The following EXT2 variants were observed in gnomAD, a reference collection of about 807,000 sequenced individuals.
EXT2 encodes the protein exostosin glycosyltransferase 2, also known as exostosin-2.
In EXT2, 53 loss-of-function variants were observed where a neutral mutation model predicts 81.6. That is an observed-to-expected ratio of 0.65 (90% confidence interval 0.52 to 0.82). EXT2 has a LOEUF of 0.82. Ranked by LOEUF, EXT2 falls within the 40% of genes least tolerant of loss-of-function variation. The probability of loss-of-function intolerance (pLI) is 0.00; values close to 1 mark genes in which losing one functional copy is unlikely to be tolerated. For synonymous variants in EXT2, 320 were observed against 340.0 expected, an observed-to-expected ratio of 0.94 and a Z score of 0.65; for missense variants, 774 against 910.2, an observed-to-expected ratio of 0.85 and a Z score of 1.93.
chr11:44,197,038 G>A (rs543512837), intron 8 of EXT2, among the ~76,000 whole-genome samples: 1 of 152,270 alleles, frequency 6.6e-6, no homozygotes, highest in African/African-American at 2.4e-5. Context: ...GGAACTAAAG[G>A]GGAAAGAAGG....
chr11:44,244,470 C>A lies in EXT2; in HGVS notation c.*183C>A. 1 of 623,016 alleles carries A rather than the reference C, an allele frequency of 1.6e-6. No individual in the cohort carries two copies. The highest frequency in any genetic ancestry group is 2.8e-6 in the Non-Finnish European group (1 of 351,058). The allele number at this position is 623,016 out of a possible 1,614,324, so 38.6% of individuals were successfully genotyped here. A position where few individuals can be genotyped will look rare whatever the true frequency, so the allele number is the denominator to read the frequency against. ...ACCTAGAATGAATATCCAAGCACCT[C>A]GAGCTATGCAACCTCTGTTCTTGTA... On this transcript the variant is annotated 3_prime_UTR_variant, in exon 14 of 14. Transcript: ENST00000533608.
intron 7 of EXT2, among the ~76,000 whole-genome samples, chr11:44,140,023 G>A (rs964418235): frequency 6.6e-6 from 1 of 152,220 alleles, no homozygotes; most frequent in Non-Finnish European, 1.5e-5. Flanking sequence ...GAACCTCGCC[G>A]TTGGCCACTG....
chr11:44,187,856 T>G (rs1434410574), intron 8 of EXT2, among the ~76,000 whole-genome samples: 1 of 151,802 alleles, frequency 6.6e-6, no homozygotes, highest in Non-Finnish European at 1.5e-5. Flanking sequence ...GAAATGGAGG[T>G]CCAAAAAAGT....
intron 11 of EXT2, 53 bp from the exon 12 acceptor site, chr11:44,234,062 G>T (rs917231872): frequency 6.2e-7 from 1 of 1,612,332 alleles, no homozygotes; most frequent in Non-Finnish European, 8.5e-7. Context: ...TTATTTATCA[G>T]CTAAAGGGAA....
chr11:44,113,600 C>G (rs1954176676), intron 3 of EXT2, among the ~76,000 whole-genome samples: 1 of 152,124 alleles, frequency 6.6e-6, no homozygotes, highest in Non-Finnish European at 1.5e-5. Flanking sequence ...GACTAAGTAG[C>G]TGGAATGGAC....
At chr11:44,232,310 T>C (rs1385202148) in intron 10 of EXT2, 43 bp from the exon 11 acceptor site, 1 of 1,612,378 alleles carries the variant, frequency 6.2e-7, no homozygotes, top group Admixed American at 1.7e-5. Flanking sequence ...GAATGGTTGC[T>C]GTCTGAATTG....
intron 7 of EXT2, among the ~76,000 whole-genome samples, chr11:44,137,776 G>A (rs115806623): frequency 6.6e-6 from 1 of 152,140 alleles, no homozygotes; most frequent in Admixed American, 6.5e-5. Context: ...GAGAATTAGG[G>A]TCCTTAATTT....
At chr11:44,238,523 T>G (rs1955996909) in intron 13 of EXT2, among the ~76,000 whole-genome samples, 1 of 152,176 alleles carries the variant, frequency 6.6e-6, no homozygotes, top group Non-Finnish European at 1.5e-5. Flanking sequence ...ATGGAGGGAT[T>G]GGAGCGAACT....
At chr11:44,190,395 A>C (rs575393554) in intron 8 of EXT2, among the ~76,000 whole-genome samples, 1 of 152,338 alleles carries the variant, frequency 6.6e-6, no homozygotes, top group South Asian at 2.1e-4. Flanking sequence ...CTATCAAGGT[A>C]GGAATAGGTA....
At chr11:44,150,524 G>A (rs532797798) in intron 7 of EXT2, among the ~76,000 whole-genome samples, 1 of 152,290 alleles carries the variant, frequency 6.6e-6, no homozygotes, top group South Asian at 2.1e-4. Context: ...TGGGAAGAAA[G>A]CAATATGTGT....
At chr11:44,111,970 C>T (rs777940381) in intron 3 of EXT2, among the ~76,000 whole-genome samples, 2 of 152,198 alleles carry the variant, frequency 1.3e-5, no homozygotes, top group Non-Finnish European at 2.9e-5. Context: ...GTTTACCTGT[C>T]TCACAAATAT....
intron 7 of EXT2, among the ~76,000 whole-genome samples, chr11:44,152,819 T>C (rs1031357245): frequency 1.3e-5 from 2 of 152,224 alleles, no homozygotes; most frequent in African/African-American, 2.4e-5. Flanking sequence ...TTTGCTCCTT[T>C]GTCAAAGATC....
At chr11:44,183,264 T>C (rs1450613150) in intron 8 of EXT2, among the ~76,000 whole-genome samples, 4 of 152,224 alleles carry the variant, frequency 2.6e-5, no homozygotes, top group Admixed American at 2.0e-4. Context: ...GGGTACTACT[T>C]TGAGACTATG....
intron 6 of EXT2, among the ~76,000 whole-genome samples, chr11:44,129,829 G>A (rs1016237109): frequency 3.3e-5 from 5 of 152,148 alleles, no homozygotes; most frequent in Admixed American, 6.5e-5. Flanking sequence ...ATGGAGTAGG[G>A]AGTGGGAGGT....
At chr11:44,118,471 A>G (rs555559152) in intron 4 of EXT2, among the ~76,000 whole-genome samples, 2 of 152,292 alleles carry the variant, frequency 1.3e-5, no homozygotes, top group East Asian at 3.9e-4. Flanking sequence ...CCCACAGCCT[A>G]GATTCTATCT....
rs139530835 is a variant in EXT2, at chr11:44,119,305, G to A, written c.743+5004G>A. ...TGACTCAGCATATAATTGTACTAAC[G>A]TCTGTGACTTATTACGGCAAAAGGA... On this transcript the variant is annotated intron_variant, in intron 4 of 13. Transcript: ENST00000533608. Among the ~76,000 whole-genome samples, 356 of 151,620 alleles carry A rather than the reference G, an allele frequency of 2.3e-3. 2 individuals are homozygous for A. The highest frequency in any genetic ancestry group is 8.2e-3 in the African/African-American group (338 of 41,304).
intron 8 of EXT2, among the ~76,000 whole-genome samples, chr11:44,194,453 CTA>C (rs1256819680): frequency 2.0e-5 from 3 of 152,084 alleles, no homozygotes; most frequent in African/African-American, 7.2e-5. Flanking sequence ...TTTCCAAAGT[CTA>C]TAAAATGGTA....
At chr11:44,190,466 CTTT>C (rs1456874746) in intron 8 of EXT2, among the ~76,000 whole-genome samples, 1 of 152,152 alleles carries the variant, frequency 6.6e-6, no homozygotes, top group Admixed American at 6.5e-5. Flanking sequence ...TCTTCTCTTC[CTTT>C]CTTCTCTGTC....
intron 7 of EXT2, among the ~76,000 whole-genome samples, chr11:44,150,525 C>T (rs923811394): frequency 1.1e-4 from 16 of 152,060 alleles, no homozygotes; most frequent in African/African-American, 3.6e-4. Context: ...GGGAAGAAAG[C>T]AATATGTGTT....
Sources: gnomAD v4.1 joint callset for allele counts (sites outside exome capture counted in the v4.1 genomes callset) on GRCh38, gnomAD v4.1.1 for gene constraint, MANE v1.5 for transcripts, NCBI Gene and HGNC (gene_info 2026-07-23, HGNC 2026-07-21) for gene names.